The following GPR158 variants were observed in gnomAD, a reference collection of about 807,000 sequenced individuals.
GPR158 encodes metabotropic glycine receptor.
A neutral mutation model predicts 78.2 loss-of-function variants in GPR158; 30 were observed. The ratio of observed to expected loss-of-function variants is 0.38; its 90% CI spans 0.29 to 0.52. The LOEUF (loss-of-function observed/expected upper bound fraction) is 0.52. Ranked by LOEUF, GPR158 falls within the 20% of genes least tolerant of loss-of-function variation. GPR158 has a pLI of 0.83. For missense variants in GPR158, 1,463 were observed against 1,523.5 expected (o/e 0.96, Z 0.66); for synonymous variants, 581 against 591.1 (o/e 0.98, Z 0.25).
At chr10:25,385,745 C>T (rs1834213749) in intron 2 of GPR158, among the ~76,000 whole-genome samples, 1 of 151,962 alleles carries the variant, frequency 6.6e-6, no homozygotes. Context: ...TTTTCATTGG[C>T]TTATTGGCCA....
chr10:25,272,282 T>G (rs907899467), intron 2 of GPR158, among the ~76,000 whole-genome samples: 1 of 152,232 alleles, frequency 6.6e-6, no homozygotes, highest in African/African-American at 2.4e-5. Flanking sequence ...AGGAATGTAT[T>G]GTTTTCTTAT....
At chr10:25,289,362 C>T (rs991845662) in intron 2 of GPR158, among the ~76,000 whole-genome samples, 4 of 152,154 alleles carry the variant, frequency 2.6e-5, no homozygotes, top group South Asian at 2.1e-4. Context: ...TCACAGAGGG[C>T]GTGTTTAAAA....
intron 2 of GPR158, among the ~76,000 whole-genome samples, chr10:25,381,278 A>T (rs543468482): frequency 6.6e-5 from 10 of 152,232 alleles, no homozygotes; most frequent in Non-Finnish European, 1.3e-4. Flanking sequence ...TGTATTTGGC[A>T]ACATCAGATC....
At chr10:25,316,352 C>G (rs961716000) in intron 2 of GPR158, among the ~76,000 whole-genome samples, 5 of 152,140 alleles carry the variant, frequency 3.3e-5, no homozygotes, top group Admixed American at 6.5e-5. Flanking sequence ...CCAATAAATA[C>G]ATATAACAGT....
At chr10:25,414,086 T>A (rs1176336394) in intron 4 of GPR158, among the ~76,000 whole-genome samples, 2 of 152,220 alleles carry the variant, frequency 1.3e-5, no homozygotes, top group African/African-American at 4.8e-5. Flanking sequence ...TTAATTTATA[T>A]GGTAGATAAC....
At chr10:25,255,413 T>C (rs1853876916) in intron 2 of GPR158, among the ~76,000 whole-genome samples, 1 of 152,222 alleles carries the variant, frequency 6.6e-6, no homozygotes, top group African/African-American at 2.4e-5. Context: ...TCACAGTTTT[T>C]GTAGGTCAGA....
chr10:25,403,752 TAATTA>T (rs1038211328), intron 3 of GPR158, among the ~76,000 whole-genome samples: 7 of 152,064 alleles, frequency 4.6e-5, no homozygotes, highest in African/African-American at 1.7e-4. Context: ...AATACTACTT[TAATTA>T]AATTTCTTAA....
rs1837450112 is a variant in GPR158, at chr10:25,598,799, G to T, written c.3173G>T (p.Cys1058Phe). 1 of 1,614,014 alleles carries T rather than the reference G, an allele frequency of 6.2e-7. No homozygotes were observed. Among genetic ancestry groups the T allele is most frequent in the African/African-American group, 1.3e-5 (1 of 74,914 alleles). Residue 1058 changes from cysteine (C) to phenylalanine (F), a missense_variant, in exon 11 of 11, where the codon TGT becomes TTT. Cys to Phe is a radical substitution (Grantham distance 205, BLOSUM62 -2). Transcript: ENST00000376351. ...SHHKPKAAEV[C>F]QQSNQKRIDK... ...CACAAGCCTAAGGCAGCTGAGGTTTGTCAGCAATCCAATCAGAAGCGCATA... is the reference window on the plus strand; with the variant it reads ...CACAAGCCTAAGGCAGCTGAGGTTTTTCAGCAATCCAATCAGAAGCGCATA...
chr10:25,405,100 T>G (rs1357081600), intron 3 of GPR158, among the ~76,000 whole-genome samples: 2 of 152,066 alleles, frequency 1.3e-5, no homozygotes, highest in Non-Finnish European at 2.9e-5. Flanking sequence ...GAACCTTAAT[T>G]TATGTGAATA....
At chr10:25,515,664 C>A (rs1382935820) in intron 5 of GPR158, among the ~76,000 whole-genome samples, 1 of 148,198 alleles carries the variant, frequency 6.7e-6, no homozygotes, top group African/African-American at 2.5e-5. Context: ...ATGATGATTT[C>A]CAATTTCATC....
chr10:25,221,866 A>G (rs1409765074), intron 2 of GPR158, among the ~76,000 whole-genome samples: 3 of 152,220 alleles, frequency 2.0e-5, no homozygotes, highest in Non-Finnish European at 4.4e-5. Flanking sequence ...TCTTGATCTT[A>G]AATACTTGGG....
intron 2 of GPR158, among the ~76,000 whole-genome samples, chr10:25,325,648 A>T (rs965034040): frequency 6.6e-6 from 1 of 152,176 alleles, no homozygotes; most frequent in Non-Finnish European, 1.5e-5. Context: ...TTACTGGATC[A>T]TATGCTAGTT....
At position 25,176,258 on chromosome 10, in the gene GPR158, G is replaced by T; in HGVS notation, c.838G>T (p.Gly280Trp). The stretch of plus-strand genomic sequence containing the variant: ...GTGCGAGAACGGGAGTTACAAGCCC[G>T]GGTGGCTGGTTACTCTTTCCTCTGC... Reference protein sequence around the residue: ...LECENGSYKPGWLVTLSSAIY... With the variant: ...LECENGSYKPWWLVTLSSAIY... Residue 280 changes from glycine to tryptophan, a missense_variant, in exon 1 of 11, where the codon GGG becomes TGG. Gly to Trp is a radical substitution (Grantham distance 184). Coordinates refer to ENST00000376351, the MANE Select transcript of GPR158 (RefSeq NM_020752.3). The surrounding 1 kb of genome is among the most constrained non-coding windows in gnomAD (Gnocchi z 6.3). 2 of 1,609,898 alleles carry T rather than the reference G, an allele frequency of 1.2e-6. No homozygotes were observed. Among genetic ancestry groups the T allele is most frequent in the Admixed American group, 1.7e-5 (1 of 59,558 alleles).
chr10:25,469,269 C>T (rs994789032), intron 5 of GPR158, among the ~76,000 whole-genome samples: 1 of 152,156 alleles, frequency 6.6e-6, no homozygotes, highest in African/African-American at 2.4e-5. Context: ...CCAAACCTTT[C>T]TCCTGAGCTC....
chr10:25,231,608 G>T (rs1023445034), intron 2 of GPR158, among the ~76,000 whole-genome samples: 1 of 152,144 alleles, frequency 6.6e-6, no homozygotes, highest in Non-Finnish European at 1.5e-5. Context: ...CATCCAAGGT[G>T]AATAGACTGC....
At chr10:25,328,848 A>T (rs1459922141) in intron 2 of GPR158, among the ~76,000 whole-genome samples, 2 of 145,188 alleles carry the variant, frequency 1.4e-5, no homozygotes, top group African/African-American at 5.4e-5. Context: ...AATTGATTGA[A>T]CTCGGGAGGC....
chr10:25,363,913 T>C (rs1855678601), intron 2 of GPR158, among the ~76,000 whole-genome samples: 1 of 151,396 alleles, frequency 6.6e-6, no homozygotes, highest in Non-Finnish European at 1.5e-5. Flanking sequence ...ACAAAGTTAC[T>C]TAAGCACTCT....
chr10:25,465,829 G>A (rs1418827085), intron 4 of GPR158, among the ~76,000 whole-genome samples: 1 of 152,178 alleles, frequency 6.6e-6, no homozygotes, highest in African/African-American at 2.4e-5. Flanking sequence ...TAGAAATACA[G>A]GCAAGATCTC....
intron 4 of GPR158, among the ~76,000 whole-genome samples, chr10:25,447,302 C>G (rs575341800): frequency 6.6e-6 from 1 of 152,188 alleles, no homozygotes. Flanking sequence ...TTTTTGATAG[C>G]TTTTAAAATA....
Sources: gnomAD v4.1 joint callset for allele counts (sites outside exome capture counted in the v4.1 genomes callset) on GRCh38, gnomAD v4.1.1 for gene constraint, Gnocchi (gnomAD v3.1) non-coding constraint, MANE v1.5 for transcripts, NCBI Gene and HGNC (gene_info 2026-07-23, HGNC 2026-07-21) for gene names.